Variants in ABLIM2 observed in about 807,000 individuals in gnomAD.
ABLIM2 encodes the protein actin-binding LIM protein 2.
Under a neutral mutation model 97.7 loss-of-function variants are expected in ABLIM2, and 53 were observed. The observed-to-expected ratio is 0.54, with a 90% confidence interval of 0.44 to 0.68. The LOEUF (loss-of-function observed/expected upper bound fraction) is 0.68. Among genes scored for constraint, ABLIM2 ranks in the 30% least tolerant of loss-of-function variants. The pLI is 0.00. For missense variants in ABLIM2, 835 were observed against 867.2 expected (o/e 0.96, Z 0.47); for synonymous variants, 361 against 345.8 (o/e 1.04, Z -0.49).
chr4:8,068,711 G>A lies in ABLIM2; in HGVS notation c.676-7657C>T, dbSNP rs1486626718. Among the ~76,000 whole-genome samples the A allele has an allele frequency of 1.3e-5, 2 of 152,174 alleles. No homozygotes were observed. The highest frequency in any genetic ancestry group is 2.9e-5 in the Non-Finnish European group (2 of 68,028). On this transcript the variant is annotated intron_variant, in intron 6 of 20. Coordinates refer to ENST00000447017, the MANE Select transcript of ABLIM2 (RefSeq NM_001130083.2). The surrounding 1 kb of genome is among the most constrained non-coding windows in gnomAD (Gnocchi z 4.5). ...TGCTTCTTCCCCGCTGCGGGCTCCC[G>A]CTCAGCCGAGGGCCAGGGCTGGGCC...
intron 2 of ABLIM2, among the ~76,000 whole-genome samples, chr4:8,101,379 TG>T (rs1171063620): frequency 6.6e-6 from 1 of 152,232 alleles, no homozygotes; most frequent in Non-Finnish European, 1.5e-5. Flanking sequence ...AGGAGTGCCC[TG>T]GGCCAGGGCC....
At chr4:8,057,111 T>G (rs1799785407) in intron 7 of ABLIM2, among the ~76,000 whole-genome samples, 1 of 149,410 alleles carries the variant, frequency 6.7e-6, no homozygotes, top group African/African-American at 2.5e-5. Context: ...TTTTTTTTTT[T>G]TTTTTAAGAC....
At chr4:8,145,778 AC>A (rs1851701072) in intron 1 of ABLIM2, among the ~76,000 whole-genome samples, 1 of 148,848 alleles carries the variant, frequency 6.7e-6, no homozygotes, top group African/African-American at 2.5e-5. Flanking sequence ...ACACACACAC[AC>A]ACACACACAC....
chr4:7,990,628 G>A (rs1747942728), intron 17 of ABLIM2, among the ~76,000 whole-genome samples: 1 of 152,130 alleles, frequency 6.6e-6, no homozygotes. Context: ...ACCCTTTCTG[G>A]AAGTAAAGGC....
rs995991831 is a variant in ABLIM2 at position 8,112,872 on chromosome 4, G to C, written c.11-6235C>G. 1.3e-5 allele frequency among the ~76,000 whole-genome samples: 2 copies of C among 152,164 alleles called. No homozygotes were observed. The highest frequency in any genetic ancestry group is 4.8e-5 in the African/African-American group (2 of 41,440). ...CACCCCTTCCATCACCTGCTGGGCT[G>C]CAAACCATGTGTTCACTTGTTCAAC... is the stretch of plus-strand genomic sequence containing the variant. On this transcript the variant is annotated intron_variant, in intron 1 of 20. Transcript: ENST00000447017. The surrounding 1 kb of genome is among the most constrained non-coding windows in gnomAD (Gnocchi z 4.2).
chr4:8,052,342 G>A (rs377150938), intron 8 of ABLIM2, among the ~76,000 whole-genome samples: 2 of 152,328 alleles, frequency 1.3e-5, no homozygotes, highest in East Asian at 3.9e-4. Context: ...ACTGTGGCTT[G>A]CTGAGGGAAG....
rs574294504 is a variant in ABLIM2 at position 8,015,681 on chromosome 4, A to G, written c.1423+3937T>C. Among the ~76,000 whole-genome samples the G allele has an allele frequency of 5.6e-4, 86 of 152,232 alleles. No homozygotes were observed. Among genetic ancestry groups the G allele is most frequent in the African/African-American group, 1.9e-3 (80 of 41,540 alleles). ...AGGAGTGACAGCCCCCACCTGCCGG[A>G]CAAGTGGTGGGAGGTGTGTGTTGGG... On this transcript the variant is annotated intron_variant, in intron 14 of 20. Coordinates refer to ENST00000447017, the MANE Select transcript of ABLIM2 (RefSeq NM_001130083.2). The surrounding 1 kb of genome is among the most constrained non-coding windows in gnomAD (Gnocchi z 4.6).
At chr4:8,027,177 G>A (rs1242713404) in intron 12 of ABLIM2, among the ~76,000 whole-genome samples, 3 of 152,186 alleles carry the variant, frequency 2.0e-5, no homozygotes, top group Admixed American at 6.5e-5. Flanking sequence ...TGTGGGGGAT[G>A]CATTTTTCAG....
intron 16 of ABLIM2, chr4:8,007,289 G>C (rs142967557): frequency 3.0e-6 from 3 of 985,368 alleles, no homozygotes; most frequent in Non-Finnish European, 2.4e-6. Flanking sequence ...GGTGAGCTCA[G>C]ATTTGAACTT....
At chr4:8,045,022 G>A in intron 9 of ABLIM2, 142 bp downstream of exon 9, 1 of 727,306 alleles carries the variant, frequency 1.4e-6, no homozygotes, top group Non-Finnish European at 2.4e-6. Context: ...CCCGAAGCAG[G>A]GACAAGAGCA....
intron 20 of ABLIM2, among the ~76,000 whole-genome samples, chr4:7,975,907 G>A (rs570406930): frequency 1.2e-4 from 19 of 152,200 alleles, no homozygotes; most frequent in East Asian, 1.2e-3. Context: ...CACCTTTCTC[G>A]GATCACGCTA....
chr4:8,060,579 C>T (rs1042867460), intron 7 of ABLIM2, among the ~76,000 whole-genome samples: 16 of 152,142 alleles, frequency 1.1e-4, no homozygotes, highest in Admixed American at 2.0e-4. Flanking sequence ...GCGGGAAACA[C>T]CTAAAACTCC....
chr4:7,991,200 C>G (rs1280970248), intron 17 of ABLIM2, among the ~76,000 whole-genome samples: 1 of 152,234 alleles, frequency 6.6e-6, no homozygotes, highest in Non-Finnish European at 1.5e-5. Flanking sequence ...GAGACCATGA[C>G]CTTCTCTGCA....
rs573884685 is a variant in ABLIM2, at chr4:8,021,727, G to A, written c.1268-1424C>T. ...CTGCATGCAGCGGGAGGTCACCTAG[G>A]AGCAGGGTGGCCCCAGCCAGGCTGA... On this transcript the variant is annotated intron_variant, in intron 12 of 20. Coordinates refer to ENST00000447017, the MANE Select transcript of ABLIM2 (RefSeq NM_001130083.2). The surrounding 1 kb of genome is among the most constrained non-coding windows in gnomAD (Gnocchi z 5.5). 6.6e-6 allele frequency among the ~76,000 whole-genome samples: 1 copy of A among 152,364 alleles called. No individual in the cohort carries two copies. Among genetic ancestry groups the A allele is most frequent in the African/African-American group, 2.4e-5 (1 of 41,588 alleles).
In ABLIM2 at chr4:8,067,077, C is replaced by T. The variant is rs1231127618; in HGVS notation, c.676-6023G>A. The T allele has an allele frequency of 6.6e-6, 1 of 152,132 alleles. No individual in the cohort carries two copies. The highest frequency in any genetic ancestry group is 6.6e-5 in the Admixed American group (1 of 15,262). 9.4% of individuals were successfully genotyped at this position (152,132 alleles called of 1,614,324 possible). A position where few individuals can be genotyped will look rare whatever the true frequency, so the allele number is the denominator to read the frequency against. On this transcript the variant is annotated intron_variant, in intron 6 of 20. Coordinates refer to ENST00000447017, the MANE Select transcript of ABLIM2 (RefSeq NM_001130083.2). The surrounding 1 kb of genome is among the most constrained non-coding windows in gnomAD (Gnocchi z 5.4). ...TTTTCCAGAGGAGGAGGTCGAGGCT[C>T]AGAGAGGCGAGGGGGGCCTACCCAA...
chr4:8,158,244 G>A (rs1336557036), intron 1 of ABLIM2, among the ~76,000 whole-genome samples: 2 of 152,220 alleles, frequency 1.3e-5, no homozygotes, highest in East Asian at 1.9e-4. Context: ...TGCCAGAGCG[G>A]CGCAAGGGCG....
chr4:8,129,560 A>C (rs555487270), intron 1 of ABLIM2, among the ~76,000 whole-genome samples: 36 of 152,358 alleles, frequency 2.4e-4, no homozygotes, highest in Non-Finnish European at 4.1e-4. Context: ...TCTAAGATTC[A>C]GGGAGAAATC....
Position 8,032,416 on chromosome 4 carries a change from C to T in ABLIM2, c.1048-2640G>A, listed in dbSNP as rs147037988. Among the ~76,000 whole-genome samples the T allele has an allele frequency of 2.0e-3, 311 of 152,248 alleles. No homozygotes were observed. The highest frequency in any genetic ancestry group is 4.4e-3 in the Admixed American group (67 of 15,306). ...GCTCAGGGTAGACCCGCGTCCCAGGCGGCCACATCCGCAGGGCTGGCAGAC... is the reference window on the plus strand; with the variant it reads ...GCTCAGGGTAGACCCGCGTCCCAGGTGGCCACATCCGCAGGGCTGGCAGAC... On this transcript the variant is annotated intron_variant, in intron 10 of 20. Coordinates refer to ENST00000447017, the MANE Select transcript of ABLIM2 (RefSeq NM_001130083.2). This position sits in a 1 kb window ranked among gnomAD's most constrained non-coding sequence, Gnocchi z 4.3.
intron 8 of ABLIM2, among the ~76,000 whole-genome samples, chr4:8,051,196 G>C (rs1160387059): frequency 6.6e-6 from 1 of 152,220 alleles, no homozygotes; most frequent in African/African-American, 2.4e-5. Context: ...ACCTGGCTGT[G>C]GCCGCGGAGC....
Sources: gnomAD v4.1 joint callset for allele counts (sites outside exome capture counted in the v4.1 genomes callset) on GRCh38, gnomAD v4.1.1 for gene constraint, Gnocchi (gnomAD v3.1) non-coding constraint, MANE v1.5 for transcripts, NCBI Gene and HGNC (gene_info 2026-07-23, HGNC 2026-07-21) for gene names.